The following GBE1 variants were observed in gnomAD, a reference collection of about 807,000 sequenced individuals.
The protein encoded by GBE1 is 1,4-alpha-glucan branching enzyme 1, also known as 1,4-alpha-glucan-branching enzyme.
Under a neutral mutation model 88.8 loss-of-function variants are expected in GBE1, and 70 were observed. The ratio of observed to expected loss-of-function variants is 0.79; its 90% confidence interval spans 0.65 to 0.96. GBE1 has a LOEUF of 0.96. GBE1 is among the 40% of genes least tolerant of loss of function. The probability of loss-of-function intolerance (pLI) is 0.00; values close to 1 mark genes in which losing one functional copy is unlikely to be tolerated. For synonymous variants in GBE1, 284 were observed against 300.1 expected (o/e 0.95, Z 0.56); for missense variants, 872 against 871.0 (o/e 1.00, Z -0.01).
chr3:81,583,640 T>C (rs1199988812), intron 10 of GBE1, among the ~76,000 whole-genome samples: 2 of 152,042 alleles, frequency 1.3e-5, no homozygotes, highest in Non-Finnish European at 2.9e-5. Flanking sequence ...AAAATGCCAA[T>C]CCAGAAAGGT....
intron 14 of GBE1, among the ~76,000 whole-genome samples, chr3:81,506,898 C>T (rs1227536548): frequency 1.3e-5 from 2 of 152,088 alleles, no homozygotes; most frequent in Admixed American, 1.3e-4. Context: ...AGGAACGACA[C>T]ACTCTGGGGC....
At chr3:81,511,903 A>G (rs1702730668) in intron 14 of GBE1, among the ~76,000 whole-genome samples, 1 of 151,948 alleles carries the variant, frequency 6.6e-6, no homozygotes, top group South Asian at 2.1e-4. Flanking sequence ...TTGTATGTTT[A>G]TCACAATACG....
intron 7 of GBE1, among the ~76,000 whole-genome samples, chr3:81,600,114 A>T (rs965050216): frequency 6.6e-6 from 1 of 152,084 alleles, no homozygotes; most frequent in Non-Finnish European, 1.5e-5. Flanking sequence ...TACAAAATTT[A>T]TCTGGGCATG....
intron 7 of GBE1, among the ~76,000 whole-genome samples, chr3:81,620,800 G>A (rs1438723978): frequency 2.0e-5 from 3 of 152,098 alleles, no homozygotes; most frequent in African/African-American, 7.2e-5. Context: ...CAACCAGGCA[G>A]GAATGAGGAT....
chr3:81,591,111 C>A lies in GBE1; in HGVS notation c.1162G>T (p.Asp388Tyr). 6.2e-7 allele frequency: 1 copy of A among 1,608,546 alleles called. No homozygotes were observed. Among genetic ancestry groups the A allele is most frequent in the East Asian group, 2.2e-5 (1 of 44,680 alleles). The change falls in exon 9 of 16, where the codon GAT becomes TAT. Residue 388 changes from aspartate (D) to tyrosine (Y), a missense_variant. Transcript: ENST00000429644. ...SEYFGLQVDE[D>Y]ALTYLMLANH... ...GCCAACATGAGGTAAGTCAAGGCAT[C>A]TTCATCTACTTGTAGTCCGAAATAT...
At chr3:81,620,504 T>C (rs563501571) in intron 7 of GBE1, among the ~76,000 whole-genome samples, 1 of 152,168 alleles carries the variant, frequency 6.6e-6, no homozygotes, top group Non-Finnish European at 1.5e-5. Flanking sequence ...CTTGTTTTAA[T>C]ATATGAAATT....
Position 81,676,670 on chromosome 3 carries a change from T to G in GBE1, c.314-5717A>C, listed in dbSNP as rs892508518. ...TTTCTTTTTTATTTTACTTAAGTGC[T>G]GGGATACATGTGCAGAACGTGCAGG... On this transcript the variant is annotated intron_variant, in intron 2 of 15. Coordinates refer to ENST00000429644, the MANE Select transcript of GBE1 (RefSeq NM_000158.4). 3.9e-5 allele frequency among the ~76,000 whole-genome samples: 6 copies of G among 152,242 alleles called. No homozygotes were observed. The South Asian group carries it at 8.3e-4, about 21-fold the overall frequency.
In GBE1 at chr3:81,536,879, C is replaced by G; in HGVS notation, c.1803+32G>C. ...TTCTAGGCATGTACCTCATTGGTGA[C>G]TAAAACACAGCATCCAGAGTGAAGA... On this transcript the variant is annotated intron_variant, in intron 13 of 15. Transcript: ENST00000429644. The G allele has an allele frequency of 2.6e-6, 4 of 1,536,102 alleles. No homozygotes were observed. The Admixed American group carries it at 8.8e-5, about 34-fold the overall frequency.
At chr3:81,715,697 T>C (rs1207810126) in intron 1 of GBE1, among the ~76,000 whole-genome samples, 1 of 152,190 alleles carries the variant, frequency 6.6e-6, no homozygotes, top group African/African-American at 2.4e-5. Context: ...GCAACTGACC[T>C]TCAATTTTCA....
At chr3:81,717,466 A>T (rs1705954588) in intron 1 of GBE1, among the ~76,000 whole-genome samples, 1 of 152,168 alleles carries the variant, frequency 6.6e-6, no homozygotes, top group Non-Finnish European at 1.5e-5. Flanking sequence ...CTTTCATTGT[A>T]TCCATGAATA....
chr3:81,612,220 TAAAA>T lies in GBE1; in HGVS notation c.993-18201_993-18198del, dbSNP rs11404629. Reference sequence around the variant, plus strand: ...TTACAGTGTTAAATCCACGCTCCTTTAAAAAAAAAAAAAAAAAAAAAAACTTAAA... The same window carrying T: ...TTACAGTGTTAAATCCACGCTCCTTTAAAAAAAAAAAAAAAAAAACTTAAA... On this transcript the variant is annotated intron_variant, in intron 7 of 15. Coordinates refer to ENST00000429644, the MANE Select transcript of GBE1 (RefSeq NM_000158.4). 1.3e-3 allele frequency: 321 copies of T among 241,600 alleles called. 1 individual carries two copies. Among genetic ancestry groups the T allele is most frequent in the South Asian group, 2.6e-3 (61 of 23,468 alleles). 15.0% of individuals were successfully genotyped at this position (241,600 alleles called of 1,614,324 possible). A position where few individuals can be genotyped will look rare whatever the true frequency, so the allele number is the denominator to read the frequency against.
At chr3:81,540,728 G>A (rs550002861) in intron 12 of GBE1, among the ~76,000 whole-genome samples, 1 of 152,112 alleles carries the variant, frequency 6.6e-6, no homozygotes, top group South Asian at 2.1e-4. Flanking sequence ...TACTGTTTTA[G>A]ATCTTAAAAG....
At chr3:81,639,910 GA>G (rs1704646413) in intron 7 of GBE1, among the ~76,000 whole-genome samples, 1 of 152,110 alleles carries the variant, frequency 6.6e-6, no homozygotes, top group East Asian at 1.9e-4. Context: ...ACAAGGTGAA[GA>G]AAAGAAGAGC....
At chr3:81,590,671 T>C (rs1044669713) in intron 9 of GBE1, among the ~76,000 whole-genome samples, 9 of 152,050 alleles carry the variant, frequency 5.9e-5, no homozygotes, top group African/African-American at 2.2e-4. Flanking sequence ...TCTTTAATGA[T>C]TGAGCCAAAA....
chr3:81,705,380 G>A (rs1401554024), intron 2 of GBE1, 64 bp downstream of exon 2: 4 of 1,145,754 alleles, frequency 3.5e-6, no homozygotes, highest in Non-Finnish European at 2.4e-6. Flanking sequence ...TGAAATATAA[G>A]AAATATATGT....
Position 81,490,288 on chromosome 3 carries a change from C to T in GBE1, c.*119G>A. 1.2e-6 allele frequency: 1 copy of T among 835,180 alleles called. No individual in the cohort carries two copies. The highest frequency in any genetic ancestry group is 1.5e-5 in the South Asian group (1 of 66,170). 51.7% of individuals were successfully genotyped at this position (835,180 alleles called of 1,614,324 possible). ...ATAAACCAATATTGAATTTCAGACACTTGATGGCTTGGCTAGACAACTGTA... is the reference window on the plus strand; with the variant it reads ...ATAAACCAATATTGAATTTCAGACATTTGATGGCTTGGCTAGACAACTGTA... On this transcript the variant is annotated 3_prime_UTR_variant, in exon 16 of 16. Coordinates refer to ENST00000429644, the MANE Select transcript of GBE1 (RefSeq NM_000158.4).
chr3:81,591,307 C>G (rs1399535989), intron 8 of GBE1, 143 bp from the exon 9 acceptor site: 2 of 538,768 alleles, frequency 3.7e-6, no homozygotes, highest in Non-Finnish European at 6.2e-6. Context: ...AATATACTGA[C>G]TTAGAAAAGT....
chr3:81,682,024 A>G lies in GBE1; in HGVS notation c.314-11071T>C, dbSNP rs540080881. On this transcript the variant is annotated intron_variant, in intron 2 of 15. Coordinates refer to ENST00000429644, the MANE Select transcript of GBE1 (RefSeq NM_000158.4). ...ATGGGAGAAAATATTTTCAAATCAT[A>G]TATTTGATAGGGGATGTGAATCTAG... Among the ~76,000 whole-genome samples the G allele has an allele frequency of 7.2e-5, 11 of 152,374 alleles. No individual in the cohort carries two copies. The South Asian group carries it at 2.1e-3, about 29-fold the overall frequency.
In GBE1 at chr3:81,750,539, G is replaced by A. The variant is rs547552185; in HGVS notation, c.143+10836C>T. Among the ~76,000 whole-genome samples, 94 of 66,400 alleles carry A rather than the reference G, an allele frequency of 1.4e-3. 9 individuals are homozygous for A. Among genetic ancestry groups the A allele is most frequent in the South Asian group, 0.014 (39 of 2,788 alleles). The allele number at this position is 66,400 out of a possible 152,430, so 43.6% of individuals were successfully genotyped here. A position where few individuals can be genotyped will look rare whatever the true frequency, so the allele number is the denominator to read the frequency against. On this transcript the variant is annotated intron_variant, in intron 1 of 15. Transcript: ENST00000429644. ...TCAAAACATTCATATATATATATAC[G>A]TATATATATATGTATATATATATGT...
Sources: allele counts gnomAD v4.1 joint callset (sites outside exome capture counted in the v4.1 genomes callset), GRCh38; gene constraint gnomAD v4.1.1; transcripts MANE v1.5; gene names NCBI Gene and HGNC (gene_info 2026-07-23, HGNC 2026-07-21).